Variants in KLHL26 observed in about 807,000 individuals in gnomAD.
KLHL26 encodes the protein kelch like family member 26.
In KLHL26, 4 loss-of-function variants were observed where a neutral mutation model predicts 7.1. The ratio of observed to expected loss-of-function variants is 0.56; its 90% CI spans 0.28 to 1.28. The LOEUF (loss-of-function observed/expected upper bound fraction) is 1.28. KLHL26 is among the 50% of genes most tolerant of loss of function. KLHL26 has a pLI of 0.11. For missense variants in KLHL26, 896 were observed against 924.6 expected, an observed-to-expected ratio of 0.97 and a Z score of 0.40; for synonymous variants, 465 against 414.1, an observed-to-expected ratio of 1.12 and a Z score of -1.49.
chr19:18,637,073 A>G lies in KLHL26; in HGVS notation c.19A>G (p.Ser7Gly). MAESGG[S>G]SGGAGGGGAF... ...GGGGAAGATGGCGGAGTCCGGCGGT[A>G]GCAGCGGTGGTGCTGGTGGCGGCGG... The change falls in exon 1 of 3, where the codon AGC becomes GGC. Residue 7 changes from serine (S) to glycine (G), a missense_variant. Physicochemically the swap from Ser to Gly is moderately conservative, Grantham distance 56. Transcript: ENST00000300976. The G allele has an allele frequency of 4.3e-6, 6 of 1,385,412 alleles. No homozygotes were observed. Among genetic ancestry groups the G allele is most frequent in the Non-Finnish European group, 5.6e-6 (6 of 1,068,096 alleles). 85.8% of individuals were successfully genotyped at this position (1,385,412 alleles called of 1,614,324 possible).
At chr19:18,660,316 C>T (rs748176192) in intron 1 of KLHL26, among the ~76,000 whole-genome samples, 3 of 152,206 alleles carry the variant, frequency 2.0e-5, no homozygotes, top group Non-Finnish European at 2.9e-5. Flanking sequence ...AGGCCTGTAG[C>T]GGGGGCGTGT....
chr19:18,670,464 TC>T lies in KLHL26; in HGVS notation c.*1222del. ...TTAGCAGACATCGTCTCCTAATATT[TC>T]CCTTTATTTAATAAAAATGTTATGG... is the stretch of plus-strand genomic sequence containing the variant. On this transcript the variant is annotated 3_prime_UTR_variant, in exon 3 of 3. Coordinates refer to ENST00000300976, the MANE Select transcript of KLHL26 (RefSeq NM_018316.3). 1 of 152,276 alleles carries T rather than the reference TC, an allele frequency of 6.6e-6. No individual in the cohort carries two copies. The highest frequency in any genetic ancestry group is 1.5e-5 in the Non-Finnish European group (1 of 68,018). 9.4% of individuals were successfully genotyped at this position (152,276 alleles called of 1,614,324 possible). A position where few individuals can be genotyped will look rare whatever the true frequency, so the allele number is the denominator to read the frequency against.
chr19:18,655,549 C>T (rs1249854190), intron 1 of KLHL26, among the ~76,000 whole-genome samples: 1 of 152,232 alleles, frequency 6.6e-6, no homozygotes, highest in African/African-American at 2.4e-5. Flanking sequence ...GTAGCAGTGC[C>T]CCATCAGAGA....
In KLHL26 at chr19:18,646,817, AT is replaced by A. The variant is rs1976810430; in HGVS notation, c.83+9682del. On this transcript the variant is annotated intron_variant, in intron 1 of 2. Coordinates refer to ENST00000300976, the MANE Select transcript of KLHL26 (RefSeq NM_018316.3). This position sits in a 1 kb window ranked among gnomAD's most constrained non-coding sequence, Gnocchi z 5.0. ...GGAAAGGAGAGGGTGAACTTGAGCC[AT>A]TGGGAAGACAGTAGTGCCATGACTT... is the stretch of plus-strand genomic sequence containing the variant. 6.6e-6 allele frequency among the ~76,000 whole-genome samples: 1 copy of A among 152,234 alleles called. No individual in the cohort carries two copies. Among genetic ancestry groups the A allele is most frequent in the Non-Finnish European group, 1.5e-5 (1 of 68,038 alleles).
intron 1 of KLHL26, among the ~76,000 whole-genome samples, chr19:18,643,036 G>C (rs1976742551): frequency 6.6e-6 from 1 of 151,276 alleles, no homozygotes; most frequent in African/African-American, 2.4e-5. Context: ...GTTTCACCAT[G>C]TTGGCCAGGG....
chr19:18,648,037 G>C lies in KLHL26; in HGVS notation c.83+10900G>C, dbSNP rs573620550. ...GGGCCAGGGGGCCAGGGCAGGGTTT[G>C]GGTGAGCGGCATATCAGTCAGCCTC... is the stretch of plus-strand genomic sequence containing the variant. On this transcript the variant is annotated intron_variant, in intron 1 of 2. Transcript: ENST00000300976. This position sits in a 1 kb window ranked among gnomAD's most constrained non-coding sequence, Gnocchi z 4.9. Among the ~76,000 whole-genome samples the C allele has an allele frequency of 4.6e-5, 7 of 152,300 alleles. No individual in the cohort carries two copies. In the East Asian group the frequency reaches 1.2e-3, roughly 25 times the overall value.
intron 1 of KLHL26, among the ~76,000 whole-genome samples, chr19:18,655,685 G>GTA (rs1469126964): frequency 8.0e-6 from 1 of 124,680 alleles, no homozygotes; most frequent in Non-Finnish European, 1.8e-5. Context: ...AGGATGGGAG[G>GTA]GGTGCTGTGG....
chr19:18,665,299 A>G (rs547308865), intron 2 of KLHL26, among the ~76,000 whole-genome samples: 2 of 151,142 alleles, frequency 1.3e-5, no homozygotes, highest in South Asian at 2.1e-4. Context: ...CTCATGAGCC[A>G]CCTGCCTCAG....
intron 1 of KLHL26, among the ~76,000 whole-genome samples, chr19:18,652,908 C>A (rs1357447592): frequency 1.3e-5 from 2 of 152,190 alleles, no homozygotes; most frequent in Non-Finnish European, 2.9e-5. Context: ...TCCCATTTTA[C>A]AGATGGGGAA....
chr19:18,652,071 G>A (rs1425206562), intron 1 of KLHL26, among the ~76,000 whole-genome samples: 6 of 152,224 alleles, frequency 3.9e-5, no homozygotes, highest in Admixed American at 6.5e-5. Flanking sequence ...GAGGTGCTGA[G>A]TGCAGAAATG....
At position 18,668,891 on chromosome 19, in the gene KLHL26, C is replaced by G; in HGVS notation, c.1494C>G (p.Arg498=). The change falls in exon 3 of 3, where the codon CGC becomes CGG. Residue 498 remains arginine, a synonymous_variant. Coordinates refer to ENST00000300976, the MANE Select transcript of KLHL26 (RefSeq NM_018316.3). Reference sequence around the variant, plus strand: ...TCAAGGCGCCCATGAGCGAACCCCGCGTGCTACACGCCATGGTGGGTGCCG... The same window carrying G: ...TCAAGGCGCCCATGAGCGAACCCCGGGTGCTACACGCCATGGTGGGTGCCG... ...WEFKAPMSEP[R]VLHAMVGAGG... 1 of 1,600,178 alleles carries G rather than the reference C, an allele frequency of 6.2e-7. No individual in the cohort carries two copies. The highest frequency in any genetic ancestry group is 8.5e-7 in the Non-Finnish European group (1 of 1,178,318).
Position 18,669,721 on chromosome 19 carries a change from C to T in KLHL26, c.*476C>T, listed in dbSNP as rs1029436997. ...CGCGTGTTTTTAAAATAAACTCACC[C>T]GAAACGTCCGTAACACACGGACCTC... On this transcript the variant is annotated 3_prime_UTR_variant, in exon 3 of 3. Coordinates refer to ENST00000300976, the MANE Select transcript of KLHL26 (RefSeq NM_018316.3). 3.8e-5 allele frequency: 7 copies of T among 182,728 alleles called. No individual in the cohort carries two copies. The highest frequency in any genetic ancestry group is 1.8e-4 in the South Asian group (1 of 5,622). The allele number at this position is 182,728 out of a possible 1,614,324, so 11.3% of individuals were successfully genotyped here.
Position 18,667,773 on chromosome 19 carries a change from G to C in KLHL26, c.376G>C (p.Val126Leu). Residue 126 changes from valine (V) to leucine (L), a missense_variant, in exon 3 of 3, where the codon GTG becomes CTG. Val to Leu is a conservative substitution (Grantham distance 32). Transcript: ENST00000300976. ...HIIDFAYSAE[V>L]TLDLDCVQDV... ...CATCGACTTCGCCTACAGCGCCGAG[G>C]TGACACTGGACCTGGACTGCGTGCA... 2 of 1,613,426 alleles carry C rather than the reference G, an allele frequency of 1.2e-6. No homozygotes were observed. Among genetic ancestry groups the C allele is most frequent in the East Asian group, 4.5e-5 (2 of 44,886 alleles).
chr19:18,647,319 C>T (rs1976822228), intron 1 of KLHL26, among the ~76,000 whole-genome samples: 4 of 152,238 alleles, frequency 2.6e-5, no homozygotes, highest in Admixed American at 2.6e-4. Context: ...ATAATCGCAC[C>T]ATCTCCAGGG....
At chr19:18,667,430 T>A (rs1009798167) in intron 2 of KLHL26, 1 of 608,680 alleles carries the variant, frequency 1.6e-6, no homozygotes. Flanking sequence ...GGTCTCGATC[T>A]CCTGATCTCA....
At chr19:18,637,404 C>A (rs1976638564) in intron 1 of KLHL26, among the ~76,000 whole-genome samples, 1 of 152,032 alleles carries the variant, frequency 6.6e-6, no homozygotes, top group African/African-American at 2.4e-5. Flanking sequence ...TGAAGGGAAA[C>A]CGAGGGGCTC....
At chr19:18,664,127 TG>T in intron 1 of KLHL26, 133 bp from the exon 2 acceptor site, 1 of 688,358 alleles carries the variant, frequency 1.5e-6, no homozygotes, top group Non-Finnish European at 2.2e-6. Context: ...TTGCCTGTTC[TG>T]GGCATTTCAC....
chr19:18,661,373 G>A (rs1036501451), intron 1 of KLHL26, among the ~76,000 whole-genome samples: 4 of 152,094 alleles, frequency 2.6e-5, no homozygotes, highest in Admixed American at 2.6e-4. Context: ...CAGGGTGCAG[G>A]GCAGTAGCTC....
In KLHL26 at chr19:18,664,455, C is replaced by A; in HGVS notation, c.266+12C>A. The A allele has an allele frequency of 1.3e-6, 2 of 1,541,728 alleles. No homozygotes were observed. The highest frequency in any genetic ancestry group is 8.7e-7 in the Non-Finnish European group (1 of 1,144,798). On this transcript the variant is annotated intron_variant, in intron 2 of 2. Coordinates refer to ENST00000300976, the MANE Select transcript of KLHL26 (RefSeq NM_018316.3). ...AGCGACTACTTCAGGTAAGTGCTGG[C>A]CCCAGGCAGCTGGAAGGGGCGGCTG...
Sources: allele counts gnomAD v4.1 joint callset (sites outside exome capture counted in the v4.1 genomes callset), GRCh38; gene constraint gnomAD v4.1.1; non-coding constraint Gnocchi (gnomAD v3.1); transcripts MANE v1.5; gene names NCBI Gene and HGNC (gene_info 2026-07-23, HGNC 2026-07-21).